PLXNB1: variants seen among roughly 807,000 people sequenced by gnomAD.
PLXNB1 encodes the protein plexin B1.
A neutral mutation model predicts 209.4 loss-of-function variants in PLXNB1; 106 were observed. That is an observed-to-expected ratio of 0.51 (90% CI 0.43 to 0.59). PLXNB1 has a LOEUF of 0.59. Among genes scored for constraint, PLXNB1 ranks in the 20% least tolerant of loss-of-function variants. The pLI is 0.00. For synonymous variants in PLXNB1, 1,167 were observed against 1,183.2 expected, an observed-to-expected ratio of 0.99 and a Z score of 0.28; for missense variants, 2,357 against 2,853.2, an observed-to-expected ratio of 0.83 and a Z score of 3.96.
intron 7 of PLXNB1, 128 bp from the exon 8 acceptor site, chr3:48,421,512 G>A: frequency 8.1e-7 from 1 of 1,238,546 alleles, no homozygotes. Flanking sequence ...AACACCCTCT[G>A]GCCTGAGTTA....
rs538476896 is a variant in PLXNB1 at position 48,429,483 on chromosome 3, C to G, written c.-60+525G>C. The G allele has an allele frequency of 6.6e-6, 1 of 151,436 alleles. No homozygotes were observed. Among genetic ancestry groups the G allele is most frequent in the African/African-American group, 2.4e-5 (1 of 41,372 alleles). 9.4% of individuals were successfully genotyped at this position (151,436 alleles called of 1,614,324 possible). On this transcript the variant is annotated intron_variant, in intron 1 of 37. Transcript: ENST00000296440. This position sits in a 1 kb window ranked among gnomAD's most constrained non-coding sequence, Gnocchi z 6.4. ...CCGGGCTCGTCTCCGCTCCTTCCCC[C>G]TCGCCTGCCGGGCTGCCCTCCCCCC...
rs377701034 is a variant in PLXNB1, at chr3:48,419,864, C to T, written c.2422G>A (p.Glu808Lys). Reference protein sequence around the residue: ...AAVPPADPGPEALHPTVPLDL... With the variant: ...AAVPPADPGPKALHPTVPLDL... ...AGGGGCACTGTGGGATGAAGAGCCT[C>T]GGGGCCAGGGTCTGCAGGGGGCACT... Residue 808 changes from glutamate (E) to lysine (K), a missense_variant, in exon 11 of 38, where the codon GAG (glutamate) becomes AAG (lysine). Coordinates refer to ENST00000296440, the MANE Select transcript of PLXNB1 (RefSeq NM_001130082.3). This position sits in a 1 kb window ranked among gnomAD's most constrained non-coding sequence, Gnocchi z 5.7. The T allele has an allele frequency of 8.9e-6, 14 of 1,567,890 alleles. No homozygotes were observed. The highest frequency in any genetic ancestry group is 1.8e-5 in the Admixed American group (1 of 55,172).
chr3:48,409,301 C>CA lies in PLXNB1; in HGVS notation c.6087+27_6087+28insT. The CA allele has an allele frequency of 6.2e-7, 1 of 1,612,618 alleles. No individual in the cohort carries two copies. Among genetic ancestry groups the CA allele is most frequent in the Non-Finnish European group, 8.5e-7 (1 of 1,179,358 alleles). On this transcript the variant is annotated intron_variant, in intron 34 of 37. Coordinates refer to ENST00000296440, the MANE Select transcript of PLXNB1 (RefSeq NM_001130082.3). The surrounding 1 kb of genome is among the most constrained non-coding windows in gnomAD (Gnocchi z 5.8). ...ACAGCACTGTCCACCCTCACCCATC[C>CA]CCCCGTGTCCATCCCAGACTCGCTC...
Position 48,411,942 on chromosome 3 carries a change from A to G in PLXNB1, c.5168T>C (p.Val1723Ala), listed in dbSNP as rs745561901. The G allele has an allele frequency of 6.2e-7, 1 of 1,614,092 alleles. No homozygotes were observed. Among genetic ancestry groups the G allele is most frequent in the Non-Finnish European group, 8.5e-7 (1 of 1,180,004 alleles). ...GIKHQVDKGP[V>A]DSVTGKAKYT... ...TTTGGCCTTGCCTGTCACACTGTCC[A>G]CTGGCCCCTTATCCACTTGGTGCTT... is the stretch of plus-strand genomic sequence containing the variant. Residue 1723 changes from valine (V) to alanine (A), a missense_variant, in exon 28 of 38, where the codon GTG becomes GCG. Physicochemically the swap from Val to Ala is moderately conservative, Grantham distance 64. Coordinates refer to ENST00000296440, the MANE Select transcript of PLXNB1 (RefSeq NM_001130082.3). The surrounding 1 kb of genome is among the most constrained non-coding windows in gnomAD (Gnocchi z 4.0).
chr3:48,404,579 G>A lies in PLXNB1; in HGVS notation c.6315C>T (p.Ala2105=), dbSNP rs765837080. The part of the protein sequence containing the change: ...INKYYDQIIT[A]LEEDGTAQKM... Reference sequence around the variant, plus strand: ...TCTGGGCCGTGCCATCCTCCTCCAGGGCAGTGATGATCTGAAACAGAGACC... The same window carrying A: ...TCTGGGCCGTGCCATCCTCCTCCAGAGCAGTGATGATCTGAAACAGAGACC... Residue 2105 remains alanine (A), a synonymous_variant, in exon 38 of 38, where the codon GCC becomes GCT. Coordinates refer to ENST00000296440, the MANE Select transcript of PLXNB1 (RefSeq NM_001130082.3). 1.2e-5 allele frequency: 20 copies of A among 1,611,418 alleles called. No homozygotes were observed. The highest frequency in any genetic ancestry group is 1.7e-5 in the Non-Finnish European group (20 of 1,178,078).
rs777319284 is a variant in PLXNB1, at chr3:48,420,077, C to T, written c.2209G>A (p.Gly737Arg). Residue 737 changes from glycine to arginine, a missense_variant, in exon 11 of 38, where the codon GGG becomes AGG. This residue lies in a region of PLXNB1 where 410 missense variants were observed against 401.0 expected (regional missense o/e 1.02). Transcript: ENST00000296440. ...ATGGAGCCAGAACCTGCCCATGGCC[C>T]CCAGGGGCTGAGCAGGGAAGGACTA... The part of the protein sequence containing the change: ...GASPSLLSPW[G>R]PWAGSGSISS... 2 of 1,613,478 alleles carry T rather than the reference C, an allele frequency of 1.2e-6. No individual in the cohort carries two copies. The highest frequency in any genetic ancestry group is 1.7e-6 in the Non-Finnish European group (2 of 1,179,896).
At position 48,418,256 on chromosome 3, in the gene PLXNB1, T is replaced by TC. The variant is rs2038230676; in HGVS notation, c.3156dup (p.Thr1053AspfsTer7). 1 of 1,613,290 alleles carries TC rather than the reference T, an allele frequency of 6.2e-7. No individual in the cohort carries two copies. Among genetic ancestry groups the TC allele is most frequent in the African/African-American group, 1.3e-5 (1 of 74,900 alleles). ...TCAGCCTCACCACAGGCCTCCCGGG[T>TC]CACACAACGTGGACGCTCCCCCTCA... is the stretch of plus-strand genomic sequence containing the variant. On this transcript the variant is annotated frameshift_variant, in exon 15 of 38. Transcript: ENST00000296440. LOFTEE classifies it high-confidence loss of function. This position sits in a 1 kb window ranked among gnomAD's most constrained non-coding sequence, Gnocchi z 6.6.
At chr3:48,427,919 T>C (rs2038979503) in intron 1 of PLXNB1, among the ~76,000 whole-genome samples, 1 of 152,164 alleles carries the variant, frequency 6.6e-6, no homozygotes, top group African/African-American at 2.4e-5. Flanking sequence ...AGTTGTACAA[T>C]GGGAGGCAGG....
In PLXNB1 at chr3:48,410,423, C is replaced by T; in HGVS notation, c.5520+32G>A. The T allele has an allele frequency of 6.2e-7, 1 of 1,611,970 alleles. No individual in the cohort carries two copies. Among genetic ancestry groups the T allele is most frequent in the Non-Finnish European group, 8.5e-7 (1 of 1,178,104 alleles). ...TGATCCCTCCACCAGTCCCACCCCA[C>T]CATGCCCTCCTCCAGCTCCCACTCC... On this transcript the variant is annotated intron_variant, in intron 30 of 37. Transcript: ENST00000296440. This position sits in a 1 kb window ranked among gnomAD's most constrained non-coding sequence, Gnocchi z 6.4.
rs758614120 is a variant in PLXNB1 at position 48,409,605 on chromosome 3, C to T, written c.5905G>A (p.Asp1969Asn). Residue 1969 changes from aspartate to asparagine, a missense_variant, in exon 33 of 38, where the codon GAC becomes AAC. Asp to Asn is a conservative substitution (Grantham distance 23, BLOSUM62 1). Coordinates refer to ENST00000296440, the MANE Select transcript of PLXNB1 (RefSeq NM_001130082.3). The surrounding 1 kb of genome is among the most constrained non-coding windows in gnomAD (Gnocchi z 5.8). ...TTCCAGATGTGGATGGTGTCCTGGT[C>T]GGAGATGCCATGCTGCTGGGCCTGC... ...DEQAQQHGIS[D>N]QDTIHIWKTN... The T allele has an allele frequency of 5.6e-6, 9 of 1,613,796 alleles. No individual in the cohort carries two copies. The highest frequency in any genetic ancestry group is 1.1e-5 in the South Asian group (1 of 91,056).
chr3:48,422,546 T>C, intron 4 of PLXNB1, 87 bp from the exon 5 acceptor site: 5 of 1,438,054 alleles, frequency 3.5e-6, no homozygotes, highest in Non-Finnish European at 4.6e-6. Flanking sequence ...CGAAGTAATT[T>C]ACAAATAGAA....
chr3:48,410,360 C>A lies in PLXNB1; in HGVS notation c.5541G>T (p.Val1847=), dbSNP rs1221211327. 1 of 1,613,378 alleles carries A rather than the reference C, an allele frequency of 6.2e-7. No individual in the cohort carries two copies. The highest frequency in any genetic ancestry group is 1.3e-5 in the African/African-American group (1 of 74,904). Residue 1847 remains valine (V), a synonymous_variant, in exon 31 of 38, where the codon GTG becomes GTT. Transcript: ENST00000296440. This position sits in a 1 kb window ranked among gnomAD's most constrained non-coding sequence, Gnocchi z 6.4. ...QHYKVPDGAT[V]ALVPCLTKHV... ...GCTTGGTGAGGCAGGGGACGAGGGC[C>A]ACAGTTGCTCCATCTGGGACCTGCT... is the stretch of plus-strand genomic sequence containing the variant.
At chr3:48,421,446 T>C in intron 7 of PLXNB1, 62 bp from the exon 8 acceptor site, 1 of 1,485,250 alleles carries the variant, frequency 6.7e-7, no homozygotes, top group South Asian at 1.4e-5. Flanking sequence ...GGCTCACATT[T>C]ATGGGACACC....
In PLXNB1 at chr3:48,415,020, T is replaced by G; in HGVS notation, c.3988A>C (p.Asn1330His). ...CGGCACGTGATGAGCTGGGAGGAGT[T>G]GACATGGCACGGCTCCTCAAACTGG... ...SQQFEEPCHV[N>H]SSQLITCRTP... The change falls in exon 21 of 38, where the codon AAC becomes CAC. Residue 1330 changes from asparagine to histidine, a missense_variant. Around this residue, in one of 7 missense-constraint regions of PLXNB1, gnomAD observed 743 missense variants for 896.2 expected, o/e 0.83. Coordinates refer to ENST00000296440, the MANE Select transcript of PLXNB1 (RefSeq NM_001130082.3). This position sits in a 1 kb window ranked among gnomAD's most constrained non-coding sequence, Gnocchi z 5.0. 6.2e-7 allele frequency: 1 copy of G among 1,613,208 alleles called. No individual in the cohort carries two copies. Among genetic ancestry groups the G allele is most frequent in the Non-Finnish European group, 8.5e-7 (1 of 1,179,888 alleles).
At position 48,416,405 on chromosome 3, in the gene PLXNB1, T is replaced by C; in HGVS notation, c.3421A>G (p.Thr1141Ala). The change falls in exon 17 of 38, where the codon ACA becomes GCA. Residue 1141 changes from threonine to alanine, a missense_variant. Transcript: ENST00000296440. The surrounding 1 kb of genome is among the most constrained non-coding windows in gnomAD (Gnocchi z 4.1). ...GASGEEVAGA[T>A]AVEVPGRGRG... ...CCTCTTCCCGGCACCTCCACCGCTG[T>C]GGCGCCGGCCACCTCCTCCCCACTG... 6.2e-7 allele frequency: 1 copy of C among 1,613,206 alleles called. No homozygotes were observed. The highest frequency in any genetic ancestry group is 8.5e-7 in the Non-Finnish European group (1 of 1,179,942).
Position 48,422,894 on chromosome 3 carries a change from G to A in PLXNB1, c.1161C>T (p.Ala387=). 2 of 1,614,132 alleles carry A rather than the reference G, an allele frequency of 1.2e-6. No homozygotes were observed. The highest frequency in any genetic ancestry group is 1.7e-6 in the Non-Finnish European group (2 of 1,179,998). ...CGSDHTPSPM[A]SRVPLEATPI... is the part of the protein sequence containing the mutation. ...GTGTGGCTTCCAGCGGGACCCGGCT[G>A]GCCATGGGGCTGGGCGTGTGGTCTG... is the stretch of plus-strand genomic sequence containing the variant. The change falls in exon 4 of 38, where the codon GCC becomes GCT. Residue 387 remains alanine, a synonymous_variant. Transcript: ENST00000296440.
rs753489399 is a variant in PLXNB1, at chr3:48,410,558, T to G, written c.5417A>C (p.Glu1806Ala). Reference sequence around the variant, plus strand: ...GTGCCCGGCCACCCCAGACCGCCACTCTGCAAGGGCAAGGCAGAACTGGGT... The same window carrying G: ...GTGCCCGGCCACCCCAGACCGCCACGCTGCAAGGGCAAGGCAGAACTGGGT... ...QRPDPRTLDV[E>A]WRSGVAGHLI... Residue 1806 changes from glutamate (E) to alanine (A), a missense_variant and splice_region_variant, in exon 30 of 38, where the codon GAG becomes GCG. Glu to Ala is a moderately radical substitution (Grantham distance 107, BLOSUM62 -1). Around this residue, in one of 7 missense-constraint regions of PLXNB1, gnomAD observed 414 missense variants for 520.5 expected, o/e 0.80. Coordinates refer to ENST00000296440, the MANE Select transcript of PLXNB1 (RefSeq NM_001130082.3). The surrounding 1 kb of genome is among the most constrained non-coding windows in gnomAD (Gnocchi z 6.4). The G allele has an allele frequency of 6.2e-7, 1 of 1,612,422 alleles. No homozygotes were observed. Among genetic ancestry groups the G allele is most frequent in the Non-Finnish European group, 8.5e-7 (1 of 1,179,228 alleles).
In PLXNB1 at chr3:48,416,223, A is replaced by C; in HGVS notation, c.3481-56T>G. 1.3e-6 allele frequency: 2 copies of C among 1,565,336 alleles called. No homozygotes were observed. The highest frequency in any genetic ancestry group is 1.7e-6 in the Non-Finnish European group (2 of 1,147,308). On this transcript the variant is annotated intron_variant, in intron 17 of 37. Coordinates refer to ENST00000296440, the MANE Select transcript of PLXNB1 (RefSeq NM_001130082.3). This position sits in a 1 kb window ranked among gnomAD's most constrained non-coding sequence, Gnocchi z 4.1. ...TCAGACCAGACACATGGAGGCAGGG[A>C]CAGCCTGAGAGACAGGCTGGCCCAG... is the stretch of plus-strand genomic sequence containing the variant.
Position 48,420,043 on chromosome 3 carries a change from G to C in PLXNB1, c.2243C>G (p.Pro748Arg). Reference sequence around the variant, plus strand: ...ATGGAGAGGCGACCCTGTGGAGCCAGGGGAAGATATGGAGCCAGAACCTGC... The same window carrying C: ...ATGGAGAGGCGACCCTGTGGAGCCACGGGAAGATATGGAGCCAGAACCTGC... ...PWAGSGSISS[P>R]GSTGSPLHEE... The change falls in exon 11 of 38, where the codon CCT becomes CGT. Residue 748 changes from proline (P) to arginine (R), a missense_variant. By Grantham distance (103) the Pro-to-Arg change is moderately radical. Coordinates refer to ENST00000296440, the MANE Select transcript of PLXNB1 (RefSeq NM_001130082.3). The C allele has an allele frequency of 6.2e-7, 1 of 1,611,838 alleles. No individual in the cohort carries two copies. Among genetic ancestry groups the C allele is most frequent in the Non-Finnish European group, 8.5e-7 (1 of 1,178,722 alleles).
Sources: allele counts gnomAD v4.1 joint callset (sites outside exome capture counted in the v4.1 genomes callset), GRCh38; gene constraint gnomAD v4.1.1; regional missense constraint gnomAD v4.1.1; non-coding constraint Gnocchi (gnomAD v3.1); transcripts MANE v1.5; gene names NCBI Gene and HGNC (gene_info 2026-07-23, HGNC 2026-07-21).